Variants in RBMS3 observed in about 807,000 individuals in gnomAD.
RBMS3 encodes RNA-binding motif, single-stranded-interacting protein 3.
In RBMS3, 27 loss-of-function variants were observed where a neutral mutation model predicts 66.8. The observed-to-expected ratio is 0.40, with a 90% CI of 0.30 to 0.56. RBMS3 has a LOEUF of 0.56. Ranked by LOEUF, RBMS3 falls within the 20% of genes least tolerant of loss-of-function variation. The probability of loss-of-function intolerance (pLI) is 0.40; values close to 1 mark genes in which losing one functional copy is unlikely to be tolerated. For synonymous variants in RBMS3, 188 were observed against 183.0 expected (o/e 1.03, Z -0.22); for missense variants, 513 against 549.5 (o/e 0.93, Z 0.66).
intron 1 of RBMS3, among the ~76,000 whole-genome samples, chr3:29,323,963 A>G (rs1376371652): frequency 6.7e-6 from 1 of 148,588 alleles, no homozygotes; most frequent in Non-Finnish European, 1.5e-5. Context: ...AGGGCTCTCA[A>G]ATGGGTCCTA....
intron 5 of RBMS3, among the ~76,000 whole-genome samples, chr3:29,756,001 A>C (rs559372503): frequency 6.6e-6 from 1 of 152,292 alleles, no homozygotes; most frequent in East Asian, 1.9e-4. Context: ...GTTCAGTGAT[A>C]AACAGCACCT....
intron 1 of RBMS3, among the ~76,000 whole-genome samples, chr3:29,363,685 G>A (rs1019659054): frequency 6.6e-6 from 1 of 151,948 alleles, no homozygotes. Flanking sequence ...AGCTACTCAG[G>A]TGGCTGAGGC....
intron 4 of RBMS3, among the ~76,000 whole-genome samples, chr3:29,707,719 C>T (rs900996883): frequency 6.6e-6 from 1 of 152,156 alleles, no homozygotes; most frequent in Non-Finnish European, 1.5e-5. Flanking sequence ...TTTATGGTCC[C>T]CTGCCATTTC....
chr3:29,725,294 C>A (rs1464683734), intron 4 of RBMS3, among the ~76,000 whole-genome samples: 1 of 152,118 alleles, frequency 6.6e-6, no homozygotes, highest in East Asian at 1.9e-4. Context: ...TTATTTCTTT[C>A]TAACTTACGA....
chr3:29,539,107 C>T (rs1035814611), intron 3 of RBMS3, among the ~76,000 whole-genome samples: 1 of 152,076 alleles, frequency 6.6e-6, no homozygotes, highest in African/African-American at 2.4e-5. Flanking sequence ...TGACTCAGTT[C>T]CATTCTGCAT....
intron 2 of RBMS3, among the ~76,000 whole-genome samples, chr3:29,472,272 A>G (rs1056258991): frequency 2.7e-5 from 4 of 148,522 alleles, no homozygotes; most frequent in Non-Finnish European, 5.9e-5. Flanking sequence ...ATCTTGGCTC[A>G]CTGCAACCTC....
At chr3:29,610,067 A>G (rs12488375) in intron 4 of RBMS3, among the ~76,000 whole-genome samples, 2,588 of 152,198 alleles carry the variant, frequency 0.017, 82 homozygotes, top group African/African-American at 0.059. Context: ...ATTAAAGCCT[A>G]TTCTAAAATA....
chr3:29,380,816 G>GA, intron 1 of RBMS3, among the ~76,000 whole-genome samples: 1 of 152,284 alleles, frequency 6.6e-6, no homozygotes, highest in East Asian at 1.9e-4. Context: ...TTGTCCTATT[G>GA]AAAAACCTAT....
intron 7 of RBMS3, among the ~76,000 whole-genome samples, chr3:29,883,037 T>C (rs993621243): frequency 6.6e-6 from 1 of 152,084 alleles, no homozygotes; most frequent in African/African-American, 2.4e-5. Context: ...GTTGATCTAA[T>C]TCAGTTTTAA....
chr3:29,379,395 C>T (rs1382036614), intron 1 of RBMS3, among the ~76,000 whole-genome samples: 2 of 152,014 alleles, frequency 1.3e-5, no homozygotes, highest in African/African-American at 2.4e-5. Flanking sequence ...AGAAATTTGC[C>T]TCTGTATTAA....
At chr3:29,387,718 C>T (rs909382596) in intron 1 of RBMS3, among the ~76,000 whole-genome samples, 8 of 151,880 alleles carry the variant, frequency 5.3e-5, no homozygotes, top group Admixed American at 1.3e-4. Context: ...CTGGGTAACA[C>T]GGTGAAACCC....
chr3:29,566,512 G>C (rs1211178547), intron 3 of RBMS3, among the ~76,000 whole-genome samples: 1 of 151,834 alleles, frequency 6.6e-6, no homozygotes, highest in Non-Finnish European at 1.5e-5. Flanking sequence ...CTTTGGTCAA[G>C]ATTACATGTC....
At chr3:29,427,929 C>T (rs2041023357) in intron 1 of RBMS3, among the ~76,000 whole-genome samples, 1 of 152,256 alleles carries the variant, frequency 6.6e-6, no homozygotes, top group South Asian at 2.1e-4. Flanking sequence ...ATTTAAAATT[C>T]TCTTTGTAAA....
chr3:29,331,918 C>T (rs927088017), intron 1 of RBMS3, among the ~76,000 whole-genome samples: 5 of 149,172 alleles, frequency 3.4e-5, no homozygotes, highest in African/African-American at 1.2e-4. Context: ...GAGCACAGGC[C>T]ACATACTATG....
chr3:29,995,627 A>G (rs2125387057), intron 14 of RBMS3, among the ~76,000 whole-genome samples: 1 of 151,940 alleles, frequency 6.6e-6, no homozygotes, highest in Middle Eastern at 3.4e-3. Context: ...ATTCTTAAAG[A>G]AAAGAATTTT....
At chr3:29,582,552 T>G (rs2047370950) in intron 3 of RBMS3, among the ~76,000 whole-genome samples, 1 of 152,188 alleles carries the variant, frequency 6.6e-6, no homozygotes, top group African/African-American at 2.4e-5. Flanking sequence ...TACAGCCACT[T>G]GGGCCAGAGT....
intron 1 of RBMS3, among the ~76,000 whole-genome samples, chr3:29,385,065 G>A (rs1459403407): frequency 6.6e-6 from 1 of 152,106 alleles, no homozygotes; most frequent in Non-Finnish European, 1.5e-5. Context: ...AAGGTAAAAA[G>A]GTAAAGACTA....
chr3:29,688,895 C>A (rs1022531330), intron 4 of RBMS3, among the ~76,000 whole-genome samples: 1 of 151,860 alleles, frequency 6.6e-6, no homozygotes, highest in Non-Finnish European at 1.5e-5. Context: ...ATATTTCTTG[C>A]TAAAGACTGA....
chr3:29,430,628 G>C (rs889355815), intron 1 of RBMS3, among the ~76,000 whole-genome samples: 12 of 152,156 alleles, frequency 7.9e-5, no homozygotes, highest in African/African-American at 1.4e-4. Context: ...AGAGCCCTAG[G>C]GGGGAAAAGA....
Sources: allele counts gnomAD v4.1 joint callset (sites outside exome capture counted in the v4.1 genomes callset), GRCh38; gene constraint gnomAD v4.1.1; transcripts MANE v1.5; gene names NCBI Gene and HGNC (gene_info 2026-07-23, HGNC 2026-07-21).